The following DYNC1I1 variants were observed in gnomAD, a reference collection of about 807,000 sequenced individuals.
DYNC1I1 encodes the protein dynein cytoplasmic 1 intermediate chain 1.
In DYNC1I1, 43 loss-of-function variants were observed where a neutral mutation model predicts 86.6. That is an observed-to-expected ratio of 0.50 (90% CI 0.39 to 0.64). The LOEUF is 0.64. Among genes scored for constraint, DYNC1I1 ranks in the 30% least tolerant of loss-of-function variants. The pLI is 0.00. For missense variants in DYNC1I1, 604 were observed against 788.8 expected, an observed-to-expected ratio of 0.77 and a Z score of 2.81; for synonymous variants, 262 against 283.7, an observed-to-expected ratio of 0.92 and a Z score of 0.77.
chr7:95,930,695 A>C (rs929093703), intron 6 of DYNC1I1, among the ~76,000 whole-genome samples: 4 of 152,250 alleles, frequency 2.6e-5, no homozygotes, highest in African/African-American at 9.6e-5. Flanking sequence ...GCAGTTAATT[A>C]AAACTAGGCT....
chr7:95,954,033 C>G (rs1335115385), intron 6 of DYNC1I1, among the ~76,000 whole-genome samples: 1 of 151,976 alleles, frequency 6.6e-6, no homozygotes, highest in African/African-American at 2.4e-5. Context: ...ATTCACTGCT[C>G]TGGAAACAGC....
At chr7:95,959,185 G>T (rs1050930766) in intron 6 of DYNC1I1, among the ~76,000 whole-genome samples, 1 of 152,104 alleles carries the variant, frequency 6.6e-6, no homozygotes, top group Non-Finnish European at 1.5e-5. Flanking sequence ...TTGAGTGAAG[G>T]CGTCATGTGG....
chr7:95,933,625 G>A (rs1190004782), intron 6 of DYNC1I1, among the ~76,000 whole-genome samples: 1 of 152,082 alleles, frequency 6.6e-6, no homozygotes, highest in Non-Finnish European at 1.5e-5. Context: ...AAACATGTTG[G>A]CATTTCTGTT....
chr7:95,984,617 T>C (rs1317561615), intron 7 of DYNC1I1, among the ~76,000 whole-genome samples, 198 bp from the exon 8 acceptor site: 7 of 152,192 alleles, frequency 4.6e-5, no homozygotes, highest in Non-Finnish European at 8.8e-5. Flanking sequence ...TGCAATCTTT[T>C]TGTGGGGACA....
chr7:95,989,365 A>G (rs1793674254), intron 9 of DYNC1I1, among the ~76,000 whole-genome samples: 1 of 152,210 alleles, frequency 6.6e-6, no homozygotes, highest in Non-Finnish European at 1.5e-5. Context: ...AGAGACGAAG[A>G]CAAGCAGGGT....
At chr7:96,067,794 T>C (rs1790038977) in intron 14 of DYNC1I1, among the ~76,000 whole-genome samples, 1 of 152,092 alleles carries the variant, frequency 6.6e-6, no homozygotes, top group Admixed American at 6.6e-5. Flanking sequence ...AGTGGAAATG[T>C]TTTCCTTTTC....
At chr7:95,942,165 C>T (rs1049051484) in intron 6 of DYNC1I1, among the ~76,000 whole-genome samples, 38 of 152,184 alleles carry the variant, frequency 2.5e-4, no homozygotes, top group African/African-American at 7.7e-4. Context: ...ATCAAATACA[C>T]GCAATAAAAA....
At chr7:95,910,970 G>T (rs1791319576) in intron 6 of DYNC1I1, among the ~76,000 whole-genome samples, 1 of 152,018 alleles carries the variant, frequency 6.6e-6, no homozygotes, top group Admixed American at 6.6e-5. Flanking sequence ...TTAAAGATTT[G>T]GAATTTTTTA....
intron 16 of DYNC1I1, among the ~76,000 whole-genome samples, chr7:96,093,360 C>G (rs1258324024): frequency 6.6e-6 from 1 of 152,128 alleles, no homozygotes; most frequent in Non-Finnish European, 1.5e-5. Flanking sequence ...AAGATAAGAA[C>G]AGGACTTGAG....
intron 3 of DYNC1I1, among the ~76,000 whole-genome samples, chr7:95,810,737 A>ATATC (rs1794812229): frequency 2.0e-5 from 3 of 152,110 alleles, no homozygotes; most frequent in Admixed American, 6.6e-5. Flanking sequence ...GACTGATTAG[A>ATATC]TGGTCAACCT....
intron 5 of DYNC1I1, among the ~76,000 whole-genome samples, chr7:95,844,688 G>A (rs1789379643): frequency 6.6e-6 from 1 of 152,078 alleles, no homozygotes; most frequent in Admixed American, 6.6e-5. Context: ...TCTGTTTTCT[G>A]GGTGGGGGCC....
At chr7:95,821,826 T>C (rs1795082708) in intron 4 of DYNC1I1, among the ~76,000 whole-genome samples, 1 of 152,358 alleles carries the variant, frequency 6.6e-6, no homozygotes, top group Admixed American at 6.5e-5. Context: ...ACTTTACTAA[T>C]TTAAATGCTA....
intron 1 of DYNC1I1, among the ~76,000 whole-genome samples, chr7:95,780,749 G>A (rs1192440985): frequency 6.6e-6 from 1 of 152,148 alleles, no homozygotes; most frequent in Non-Finnish European, 1.5e-5. Context: ...TGTTTATCAA[G>A]TTGTTGAATG....
At chr7:95,977,256 C>T (rs528742224) in intron 6 of DYNC1I1, among the ~76,000 whole-genome samples, 31 of 152,246 alleles carry the variant, frequency 2.0e-4, no homozygotes, top group African/African-American at 7.5e-4. Flanking sequence ...TGGTGAGGGC[C>T]TGGAGCTGGA....
chr7:95,937,290 A>C (rs1792071492), intron 6 of DYNC1I1, among the ~76,000 whole-genome samples: 1 of 151,950 alleles, frequency 6.6e-6, no homozygotes, highest in Non-Finnish European at 1.5e-5. Context: ...GATACTTAAA[A>C]TTTGTTATAA....
chr7:95,820,446 T>G lies in DYNC1I1; in HGVS notation c.314+7109T>G, dbSNP rs76275387. ...ATGGCATTGACTAGATATTTTCTGT[T>G]TGGCACTATGCTTACATAATCCCAA... On this transcript the variant is annotated intron_variant, in intron 4 of 16. Transcript: ENST00000447467. Among the ~76,000 whole-genome samples the G allele has an allele frequency of 4.9e-3, 740 of 152,348 alleles. 5 individuals carry two copies. Among genetic ancestry groups the G allele is most frequent in the African/African-American group, 0.017 (699 of 41,580 alleles).
At chr7:95,801,066 G>A (rs1342805498) in intron 1 of DYNC1I1, among the ~76,000 whole-genome samples, 1 of 152,160 alleles carries the variant, frequency 6.6e-6, no homozygotes, top group East Asian at 1.9e-4. Context: ...AACCCTTTAT[G>A]AGGCATTCTC....
At position 95,912,086 on chromosome 7, in the gene DYNC1I1, G is replaced by T. The variant is rs186925716; in HGVS notation, c.490+42088G>T. Among the ~76,000 whole-genome samples, 653 of 152,108 alleles carry T rather than the reference G, an allele frequency of 4.3e-3. 5 individuals are homozygous for T. Among genetic ancestry groups the T allele is most frequent in the African/African-American group, 0.015 (622 of 41,464 alleles). Reference sequence around the variant, plus strand: ...GAATCTTGCTCTGTTGCCTGGGCTGGAGTGCAGTGGTGTGATCTCAGCTCA... The same window carrying T: ...GAATCTTGCTCTGTTGCCTGGGCTGTAGTGCAGTGGTGTGATCTCAGCTCA... On this transcript the variant is annotated intron_variant, in intron 6 of 16. Coordinates refer to ENST00000447467, the MANE Select transcript of DYNC1I1 (RefSeq NM_001135556.2).
chr7:95,941,734 T>G (rs1792228030), intron 6 of DYNC1I1, among the ~76,000 whole-genome samples: 1 of 152,240 alleles, frequency 6.6e-6, no homozygotes, highest in Admixed American at 6.5e-5. Flanking sequence ...GAAAGGGAAC[T>G]TCCTGACCAC....
Sources: gnomAD v4.1 joint callset for allele counts (sites outside exome capture counted in the v4.1 genomes callset) on GRCh38, gnomAD v4.1.1 for gene constraint, MANE v1.5 for transcripts, NCBI Gene and HGNC (gene_info 2026-07-23, HGNC 2026-07-21) for gene names.